The following RPA2 variants were observed in gnomAD, a reference collection of about 807,000 sequenced individuals.
The protein encoded by RPA2 is replication protein A 32 kDa subunit.
A neutral mutation model predicts 33.4 loss-of-function variants in RPA2; 22 were observed. The ratio of observed to expected loss-of-function variants is 0.66; its 90% CI spans 0.47 to 0.94. RPA2 has a LOEUF of 0.94. Among genes scored for constraint, RPA2 ranks in the 40% least tolerant of loss-of-function variants. The pLI is 0.00. For synonymous variants in RPA2, 109 were observed against 114.9 expected (o/e 0.95, Z 0.33); for missense variants, 279 against 329.9 (o/e 0.85, Z 1.19).
intron 4 of RPA2, among the ~76,000 whole-genome samples, chr1:27,904,524 T>C (rs1447900866): frequency 6.6e-6 from 1 of 152,214 alleles, no homozygotes; most frequent in Non-Finnish European, 1.5e-5. Context: ...AGTTCAGAAT[T>C]GGTACTCCAA....
intron 7 of RPA2, 54 bp from the exon 8 acceptor site, chr1:27,894,160 T>C: frequency 6.4e-7 from 1 of 1,556,350 alleles, no homozygotes; most frequent in Non-Finnish European, 8.9e-7. Flanking sequence ...AGCCTCCCCT[T>C]TGCAAACCTG....
At chr1:27,903,643 C>T (rs1187589756) in intron 4 of RPA2, among the ~76,000 whole-genome samples, 5 of 149,714 alleles carry the variant, frequency 3.3e-5, no homozygotes, top group Admixed American at 2.7e-4. Context: ...CGCTTGAACC[C>T]GAGAAGCAGA....
At chr1:27,913,887 G>A (rs1439551500) in intron 2 of RPA2, among the ~76,000 whole-genome samples, 176 bp downstream of exon 2, 1 of 152,130 alleles carries the variant, frequency 6.6e-6, no homozygotes, top group Non-Finnish European at 1.5e-5. Flanking sequence ...GGAAAATTTG[G>A]CAAGATTTCA....
chr1:27,906,535 CAA>C (rs2090030650), intron 4 of RPA2, among the ~76,000 whole-genome samples: 2 of 148,074 alleles, frequency 1.4e-5, no homozygotes, highest in Non-Finnish European at 3.0e-5. Flanking sequence ...AGTAAAAATA[CAA>C]AAATTAGCCG....
chr1:27,904,243 T>C (rs1249856691), intron 4 of RPA2, among the ~76,000 whole-genome samples: 1 of 152,162 alleles, frequency 6.6e-6, no homozygotes, highest in Non-Finnish European at 1.5e-5. Context: ...GCATAGCATA[T>C]TATCCCTTCT....
chr1:27,893,820 G>A (rs1020039865), intron 8 of RPA2, among the ~76,000 whole-genome samples, 192 bp downstream of exon 8: 1 of 151,944 alleles, frequency 6.6e-6, no homozygotes, highest in Non-Finnish European at 1.5e-5. Flanking sequence ...TGTTTGCCAG[G>A]CTGGTCTCGA....
At chr1:27,902,524 T>C (rs531373014) in intron 4 of RPA2, among the ~76,000 whole-genome samples, 64 of 152,218 alleles carry the variant, frequency 4.2e-4, no homozygotes, top group African/African-American at 1.5e-3. Flanking sequence ...CCTCAGGTGA[T>C]CCACTCATCT....
At chr1:27,910,569 G>A (rs1250035124) in intron 2 of RPA2, among the ~76,000 whole-genome samples, 2 of 152,202 alleles carry the variant, frequency 1.3e-5, no homozygotes, top group East Asian at 3.8e-4. Context: ...AGCTGACTAT[G>A]AACCACAGAC....
intron 2 of RPA2, among the ~76,000 whole-genome samples, chr1:27,912,902 T>C (rs2090116443): frequency 6.6e-6 from 1 of 152,162 alleles, no homozygotes; most frequent in Admixed American, 6.5e-5. Flanking sequence ...TGACACCCTA[T>C]AAGTAAAGCA....
At chr1:27,913,000 T>G (rs1432345514) in intron 2 of RPA2, among the ~76,000 whole-genome samples, 1 of 152,164 alleles carries the variant, frequency 6.6e-6, no homozygotes, top group Non-Finnish European at 1.5e-5. Flanking sequence ...TCACCCAGGC[T>G]GGAGTGCAGT....
chr1:27,899,575 A>T (rs925933316), intron 4 of RPA2, among the ~76,000 whole-genome samples: 3 of 151,972 alleles, frequency 2.0e-5, no homozygotes, highest in Non-Finnish European at 4.4e-5. Context: ...AACATTTTGA[A>T]TCCACTTGAG....
chr1:27,914,792 C>T, upstream of RPA2: 1 of 957,262 alleles, frequency 1.0e-6, no homozygotes, highest in South Asian at 1.5e-5. Flanking sequence ...ATCAACCAAT[C>T]AGAACAATAC....
rs573981349 is a variant in RPA2, at chr1:27,895,471, G to A, written c.526-1074C>T. On this transcript the variant is annotated intron_variant, in intron 6 of 8. Coordinates refer to ENST00000373912, the MANE Select transcript of RPA2 (RefSeq NM_002946.5). ...CTCATGCCTGTAATCCCAGCACTTT[G>A]AAAGGAGGCTGAGACGGGCAGATCA... Among the ~76,000 whole-genome samples the A allele has an allele frequency of 5.2e-4, 79 of 151,786 alleles. 1 individual carries two copies. In the South Asian group the frequency reaches 8.9e-3, roughly 17 times the overall value.
At chr1:27,896,488 C>T (rs904018922) in intron 6 of RPA2, among the ~76,000 whole-genome samples, 6 of 152,118 alleles carry the variant, frequency 3.9e-5, no homozygotes, top group Non-Finnish European at 7.3e-5. Flanking sequence ...TCTAATACTA[C>T]AGTCAACTCT....
At chr1:27,892,276 C>A (rs1212742922) in intron 8 of RPA2, 29 bp from the exon 9 acceptor site, 2 of 1,585,654 alleles carry the variant, frequency 1.3e-6, no homozygotes, top group East Asian at 2.2e-5. Flanking sequence ...AAAAAAAGGT[C>A]ATTTTCAGGC....
chr1:27,903,582 G>C (rs756494346), intron 4 of RPA2, among the ~76,000 whole-genome samples: 7 of 151,832 alleles, frequency 4.6e-5, no homozygotes, highest in Non-Finnish European at 8.8e-5. Flanking sequence ...AGTTGGGTGT[G>C]GTGGTGCACG....
chr1:27,896,597 G>GA (rs1051601427), intron 6 of RPA2, among the ~76,000 whole-genome samples: 51 of 152,098 alleles, frequency 3.4e-4, no homozygotes, highest in African/African-American at 1.1e-3. Flanking sequence ...TAATTTCAGG[G>GA]AAAAAATAAT....
chr1:27,900,273 G>A (rs758793715), intron 4 of RPA2, among the ~76,000 whole-genome samples: 10 of 151,872 alleles, frequency 6.6e-5, no homozygotes, highest in East Asian at 1.9e-4. Context: ...CACTGTGCCC[G>A]GCTAGTTTTT....
chr1:27,896,292 A>C (rs2089891673), intron 6 of RPA2, among the ~76,000 whole-genome samples: 1 of 152,020 alleles, frequency 6.6e-6, no homozygotes, highest in Non-Finnish European at 1.5e-5. Flanking sequence ...TCCTGGGCTT[A>C]AGTGATCTCC....
Sources: allele counts gnomAD v4.1 joint callset (sites outside exome capture counted in the v4.1 genomes callset), GRCh38; gene constraint gnomAD v4.1.1; transcripts MANE v1.5; gene names NCBI Gene and HGNC (gene_info 2026-07-23, HGNC 2026-07-21).